Variants in TLK2 observed in about 807,000 individuals in gnomAD.
The protein encoded by TLK2 is tousled like kinase 2, also known as serine/threonine-protein kinase tousled-like 2.
A neutral mutation model predicts 117.3 loss-of-function variants in TLK2; 6 were observed. That is an observed-to-expected ratio of 0.05 (90% CI 0.03 to 0.10). The LOEUF is 0.10. Ranked by LOEUF, TLK2 falls within the 10% of genes least tolerant of loss-of-function variation. The pLI is 1.00. For missense variants in TLK2, 299 were observed against 901.2 expected (o/e 0.33, Z 8.56); for synonymous variants, 257 against 316.7 (o/e 0.81, Z 2.00).
chr17:62,482,091 G>T (rs1281853356), intron 2 of TLK2, among the ~76,000 whole-genome samples: 2 of 151,424 alleles, frequency 1.3e-5, no homozygotes, highest in Non-Finnish European at 3.0e-5. Context: ...TGGGATTACA[G>T]GTGCCCGCCA....
At chr17:62,548,111 A>C (rs1184638806) in intron 7 of TLK2, among the ~76,000 whole-genome samples, 1 of 152,048 alleles carries the variant, frequency 6.6e-6, no homozygotes, top group Admixed American at 6.6e-5. Context: ...GGTGTTAAGG[A>C]AAGTGCGCAC....
chr17:62,603,991 T>C (rs140179446), intron 19 of TLK2, among the ~76,000 whole-genome samples: 5 of 137,676 alleles, frequency 3.6e-5, no homozygotes, highest in African/African-American at 8.2e-5. Context: ...TATTTATTTA[T>C]TTATTTATTT....
Position 62,565,123 on chromosome 17 carries a change from T to A in TLK2, c.954T>A (p.Phe318Leu). 2 of 1,606,214 alleles carry A rather than the reference T, an allele frequency of 1.2e-6. No individual in the cohort carries two copies. The highest frequency in any genetic ancestry group is 1.7e-6 in the Non-Finnish European group (2 of 1,178,284). The change falls in exon 11 of 22, where the codon TTT becomes TTA. Residue 318 changes from phenylalanine (F) to leucine (L), a missense_variant. This residue lies in a region of TLK2 where 94 missense variants were observed against 282.6 expected (regional missense o/e 0.33). Transcript: ENST00000346027. Reference protein sequence around the residue: ...FTEQWTDGYAFQNLIKQQERI... With the variant: ...FTEQWTDGYALQNLIKQQERI... Reference sequence around the variant, plus strand: ...AACAGTGGACAGATGGTTATGCTTTTCAGAATCTTATCAAGTAAGTGAATT... The same window carrying A: ...AACAGTGGACAGATGGTTATGCTTTACAGAATCTTATCAAGTAAGTGAATT...
chr17:62,496,956 C>CAAAA (rs1156828880), intron 2 of TLK2, among the ~76,000 whole-genome samples: 1 of 43,384 alleles, frequency 2.3e-5, no homozygotes, highest in Non-Finnish European at 4.8e-5. Context: ...GACTCCATCT[C>CAAAA]AAAAAAAAAA....
chr17:62,569,504 C>T (rs1302287283), intron 11 of TLK2, among the ~76,000 whole-genome samples: 6 of 136,960 alleles, frequency 4.4e-5, no homozygotes, highest in Admixed American at 3.1e-4. Flanking sequence ...GGCGTGATCT[C>T]GGCTCACTGC....
intron 2 of TLK2, among the ~76,000 whole-genome samples, chr17:62,486,011 G>C (rs1382271075): frequency 1.3e-5 from 2 of 151,742 alleles, no homozygotes; most frequent in East Asian, 1.9e-4. Flanking sequence ...TAGTAGAGAC[G>C]GGGTTTCACC....
At chr17:62,526,321 A>C (rs2076364379) in intron 6 of TLK2, among the ~76,000 whole-genome samples, 1 of 152,150 alleles carries the variant, frequency 6.6e-6, no homozygotes, top group Non-Finnish European at 1.5e-5. Flanking sequence ...ATTTCTACTT[A>C]GTTCCCTTTC....
chr17:62,471,881 G>A (rs1330991509), intron 1 of TLK2, among the ~76,000 whole-genome samples: 1 of 75,976 alleles, frequency 1.3e-5, no homozygotes, highest in African/African-American at 4.3e-5. Context: ...AGATTAGGTA[G>A]TATAGTCTTT....
intron 19 of TLK2, among the ~76,000 whole-genome samples, chr17:62,604,629 A>G (rs2083125245): frequency 6.6e-6 from 1 of 152,100 alleles, no homozygotes; most frequent in Non-Finnish European, 1.5e-5. Context: ...AAATCTTGCT[A>G]GCCAGGTGTG....
intron 16 of TLK2, among the ~76,000 whole-genome samples, chr17:62,591,945 C>T (rs2082111147): frequency 6.6e-6 from 1 of 151,742 alleles, no homozygotes; most frequent in Non-Finnish European, 1.5e-5. Context: ...ATAAGAACTA[C>T]ATTCTTTCTT....
chr17:62,600,637 T>C lies in TLK2; in HGVS notation c.1551-14T>C, dbSNP rs1339048552. 1.9e-6 allele frequency: 3 copies of C among 1,585,558 alleles called. No homozygotes were observed. The Admixed American group carries it at 5.6e-5, about 29-fold the overall frequency. ...TCTTATTCCATGGTTAAATATTGGT[T>C]TATTTGTCTTTAGGTTTTGTACAGT... On this transcript the variant is annotated splice_polypyrimidine_tract_variant and intron_variant, in intron 17 of 21. Transcript: ENST00000346027.
intron 2 of TLK2, chr17:62,516,474 A>G (rs2075600187): frequency 6.2e-7 from 1 of 1,603,356 alleles, no homozygotes; most frequent in African/African-American, 1.3e-5. Flanking sequence ...CAGTCTCTGG[A>G]CGGCTACGGC....
intron 2 of TLK2, among the ~76,000 whole-genome samples, chr17:62,494,240 G>A (rs1321955072): frequency 1.3e-5 from 2 of 152,130 alleles, no homozygotes; most frequent in East Asian, 1.9e-4. Flanking sequence ...GTGCCGTCAC[G>A]CCTGGCTAAT....
chr17:62,600,859 C>A, intron 18 of TLK2, 39 bp downstream of exon 18: 1 of 1,534,380 alleles, frequency 6.5e-7, no homozygotes, highest in East Asian at 2.3e-5. Context: ...AGTGGGTTTT[C>A]TTTGGTCTTA....
At chr17:62,531,707 A>T (rs1039419018) in intron 6 of TLK2, among the ~76,000 whole-genome samples, 4 of 151,744 alleles carry the variant, frequency 2.6e-5, no homozygotes, top group Non-Finnish European at 4.4e-5. Flanking sequence ...TAGAGATTTT[A>T]CCTCTTTTAT....
intron 2 of TLK2, among the ~76,000 whole-genome samples, chr17:62,500,961 G>T (rs1469423516): frequency 6.6e-6 from 1 of 152,072 alleles, no homozygotes; most frequent in African/African-American, 2.4e-5. Context: ...TTTGTGAGCC[G>T]GGCATGGTGA....
chr17:62,601,135 A>C lies in TLK2; in HGVS notation c.1720+315A>C, dbSNP rs879505124. ...GTTTTTTTCCCATGACTCCTACTAC[A>C]TAACAGTCCCTCTGCTTCAGGTCTC... is the stretch of plus-strand genomic sequence containing the variant. On this transcript the variant is annotated intron_variant, in intron 18 of 21. Transcript: ENST00000346027. 2.0e-3 allele frequency among the ~76,000 whole-genome samples: 304 copies of C among 152,306 alleles called. 3 individuals carry two copies. The highest frequency in any genetic ancestry group is 1.2e-3 in the Non-Finnish European group (79 of 68,040).
chr17:62,479,480 G>T (rs2144267657), intron 1 of TLK2, among the ~76,000 whole-genome samples, 190 bp downstream of exon 1: 1 of 152,118 alleles, frequency 6.6e-6, no homozygotes, highest in Non-Finnish European at 1.5e-5. Flanking sequence ...GGCAGAAGAT[G>T]GGGGAGGCCC....
intron 16 of TLK2, among the ~76,000 whole-genome samples, chr17:62,594,476 T>C (rs1034061344): frequency 6.6e-6 from 1 of 152,128 alleles, no homozygotes; most frequent in Non-Finnish European, 1.5e-5. Context: ...AAACTACAAC[T>C]TTAAGGGAAA....
Sources: allele counts gnomAD v4.1 joint callset (sites outside exome capture counted in the v4.1 genomes callset), GRCh38; gene constraint gnomAD v4.1.1; regional missense constraint gnomAD v4.1.1; transcripts MANE v1.5; gene names NCBI Gene and HGNC (gene_info 2026-07-23, HGNC 2026-07-21).